ELOVL2: variants seen among roughly 807,000 people sequenced by gnomAD.
ELOVL2 encodes very long chain fatty acid elongase 2.
In ELOVL2, 38 loss-of-function variants were observed where a neutral mutation model predicts 37.7. The ratio of observed to expected loss-of-function variants is 1.01; its 90% CI spans 0.78 to 1.32. The LOEUF (loss-of-function observed/expected upper bound fraction) is 1.32. ELOVL2 is among the 40% of genes most tolerant of loss of function. The pLI, the probability that ELOVL2 is intolerant of heterozygous loss-of-function variation, is 0.00. For missense variants in ELOVL2, 352 were observed against 363.6 expected, an observed-to-expected ratio of 0.97 and a Z score of 0.26; for synonymous variants, 115 against 122.3, an observed-to-expected ratio of 0.94 and a Z score of 0.40.
chr6:11,019,443 C>G (rs1782732373), intron 1 of ELOVL2, among the ~76,000 whole-genome samples: 2 of 152,184 alleles, frequency 1.3e-5, no homozygotes, highest in South Asian at 4.1e-4. Context: ...TTAAAGAATG[C>G]TTTCCTGTAA....
rs377420904 is a variant in ELOVL2 at position 10,996,598 on chromosome 6, A to T, written c.334-1420T>A. Among the ~76,000 whole-genome samples, 13 of 151,932 alleles carry T rather than the reference A, an allele frequency of 8.6e-5. No homozygotes were observed. In the South Asian group the frequency reaches 1.2e-3, roughly 15 times the overall value. The stretch of plus-strand genomic sequence containing the variant: ...GGCAGGAGAATGGTGTGAACCCAGG[A>T]GGCGGAGCTTGCAGTGAACCGAGAT... On this transcript the variant is annotated intron_variant, in intron 4 of 7. Transcript: ENST00000354666.
rs1366542579 is a variant in ELOVL2 at position 11,044,291 on chromosome 6, C to A, written c.-61G>T. Reference sequence around the variant, plus strand: ...GCGGCGATGCGCTGTCCAGGGTAGCCGGGTCCCTCTGCCCGGCGCTATCTC... The same window carrying A: ...GCGGCGATGCGCTGTCCAGGGTAGCAGGGTCCCTCTGCCCGGCGCTATCTC... On this transcript the variant is annotated 5_prime_UTR_variant, in exon 1 of 8. Coordinates refer to ENST00000354666, the MANE Select transcript of ELOVL2 (RefSeq NM_017770.4). The surrounding 1 kb of genome is among the most constrained non-coding windows in gnomAD (Gnocchi z 5.6). 2.1e-5 allele frequency: 26 copies of A among 1,248,180 alleles called. No homozygotes were observed. Among genetic ancestry groups the A allele is most frequent in the Non-Finnish European group, 2.6e-5 (26 of 995,008 alleles). The allele number at this position is 1,248,180 out of a possible 1,614,324, so 77.3% of individuals were successfully genotyped here.
rs1783080963 is a variant in ELOVL2, at chr6:11,040,391, C to T, written c.3+3837G>A. Reference sequence around the variant, plus strand: ...ACTGAGCCGCTGAAATACGGCTAGCCTGAACTGAGATGCACTCTAAGCATA... The same window carrying T: ...ACTGAGCCGCTGAAATACGGCTAGCTTGAACTGAGATGCACTCTAAGCATA... On this transcript the variant is annotated intron_variant, in intron 1 of 7. Coordinates refer to ENST00000354666, the MANE Select transcript of ELOVL2 (RefSeq NM_017770.4). Among the ~76,000 whole-genome samples the T allele has an allele frequency of 2.0e-5, 3 of 152,074 alleles. No individual in the cohort carries two copies. In the South Asian group the frequency reaches 6.2e-4, roughly 32 times the overall value.
chr6:10,995,237 C>A, intron 4 of ELOVL2, 59 bp from the exon 5 acceptor site: 1 of 1,329,020 alleles, frequency 7.5e-7, no homozygotes, highest in Non-Finnish European at 1.0e-6. Flanking sequence ...CTGGTGCTGC[C>A]CCACTGCTCG....
intron 1 of ELOVL2, among the ~76,000 whole-genome samples, chr6:11,023,778 T>C (rs781105080): frequency 6.6e-6 from 1 of 152,152 alleles, no homozygotes; most frequent in Non-Finnish European, 1.5e-5. Context: ...AGGAAAATCA[T>C]ACCTCTCCCT....
intron 5 of ELOVL2, among the ~76,000 whole-genome samples, chr6:10,992,381 G>T (rs900487584): frequency 6.6e-6 from 1 of 152,072 alleles, no homozygotes. Flanking sequence ...GAACAAGACA[G>T]TATCAAATAG....
chr6:11,012,941 A>G (rs1782609481), intron 1 of ELOVL2, among the ~76,000 whole-genome samples: 1 of 152,258 alleles, frequency 6.6e-6, no homozygotes, highest in Admixed American at 6.5e-5. Context: ...GAGATGTGCT[A>G]TAAAGGATAG....
Position 10,983,872 on chromosome 6 carries a change from T to A in ELOVL2, c.800A>T (p.Gln267Leu). The A allele has an allele frequency of 1.9e-6, 3 of 1,613,854 alleles. No individual in the cohort carries two copies. The highest frequency in any genetic ancestry group is 1.1e-5 in the South Asian group (1 of 91,004). Reference sequence around the variant, plus strand: ...CACTTCTTTCCCTGCAGGTGGCTCTTGCATATCTTTCTTCATTGGCTTTTT... The same window carrying A: ...CACTTCTTTCCCTGCAGGTGGCTCTAGCATATCTTTCTTCATTGGCTTTTT... ...YRKKPMKKDM[Q>L]EPPAGKEVKN... Residue 267 changes from glutamine (Q) to leucine (L), a missense_variant, in exon 8 of 8, where the codon CAA becomes CTA. Physicochemically the swap from Gln to Leu is moderately radical, Grantham distance 113 (BLOSUM62 -2). Coordinates refer to ENST00000354666, the MANE Select transcript of ELOVL2 (RefSeq NM_017770.4).
chr6:11,026,884 CA>C (rs1351089396), intron 1 of ELOVL2, among the ~76,000 whole-genome samples: 3 of 152,078 alleles, frequency 2.0e-5, no homozygotes, highest in Non-Finnish European at 4.4e-5. Flanking sequence ...ATTTAATTGA[CA>C]AAAATTGTAT....
At chr6:11,012,651 T>G (rs552589699) in intron 1 of ELOVL2, among the ~76,000 whole-genome samples, 21 of 152,344 alleles carry the variant, frequency 1.4e-4, no homozygotes, top group African/African-American at 4.8e-4. Flanking sequence ...TGCAAAAATT[T>G]AGTCACAGTG....
At chr6:11,007,211 T>G (rs986358475) in intron 2 of ELOVL2, among the ~76,000 whole-genome samples, 4 of 152,220 alleles carry the variant, frequency 2.6e-5, no homozygotes, top group African/African-American at 9.6e-5. Context: ...GTTATGGTGT[T>G]AGACTGAATT....
intron 4 of ELOVL2, among the ~76,000 whole-genome samples, chr6:10,996,033 A>G (rs562239694): frequency 1.3e-5 from 2 of 152,198 alleles, no homozygotes; most frequent in Non-Finnish European, 2.9e-5. Flanking sequence ...GGTCATGATA[A>G]CACATCCTTT....
intron 7 of ELOVL2, 58 bp from the exon 8 acceptor site, chr6:10,983,964 T>A: frequency 6.9e-7 from 1 of 1,459,644 alleles, no homozygotes; most frequent in Non-Finnish European, 9.4e-7. Context: ...TAAGACCTTG[T>A]CTTTAACAGT....
intron 1 of ELOVL2, among the ~76,000 whole-genome samples, chr6:11,041,482 G>A (rs1055730042): frequency 6.6e-6 from 1 of 152,140 alleles, no homozygotes; most frequent in Non-Finnish European, 1.5e-5. Context: ...TACGTTCGAA[G>A]AATCGAAAGA....
At chr6:11,034,252 A>C (rs1561728895) in intron 1 of ELOVL2, among the ~76,000 whole-genome samples, 1 of 152,214 alleles carries the variant, frequency 6.6e-6, no homozygotes, top group Non-Finnish European at 1.5e-5. Flanking sequence ...CCCCATTTCA[A>C]AAGCCTAATT....
intron 1 of ELOVL2, among the ~76,000 whole-genome samples, chr6:11,022,474 C>T (rs551417657): frequency 1.3e-5 from 2 of 152,272 alleles, no homozygotes; most frequent in African/African-American, 4.8e-5. Flanking sequence ...CAATCAATCC[C>T]GGGAGAACTC....
intron 4 of ELOVL2, among the ~76,000 whole-genome samples, chr6:10,999,302 T>C (rs1015140409): frequency 6.6e-5 from 10 of 152,122 alleles, no homozygotes; most frequent in Non-Finnish European, 1.2e-4. Flanking sequence ...CAAAATCAAA[T>C]ATAGCACAAG....
intron 7 of ELOVL2, among the ~76,000 whole-genome samples, chr6:10,985,161 T>C (rs1782024405): frequency 6.6e-6 from 1 of 152,190 alleles, no homozygotes; most frequent in Non-Finnish European, 1.5e-5. Flanking sequence ...CATAAATGTC[T>C]TCTTTTGAGA....
chr6:11,015,315 A>C (rs1782663013), intron 1 of ELOVL2, among the ~76,000 whole-genome samples: 1 of 152,186 alleles, frequency 6.6e-6, no homozygotes, highest in South Asian at 2.1e-4. Flanking sequence ...TATGCTAAAG[A>C]TGCTCTTCAT....
Sources: allele counts gnomAD v4.1 joint callset (sites outside exome capture counted in the v4.1 genomes callset), GRCh38; gene constraint gnomAD v4.1.1; non-coding constraint Gnocchi (gnomAD v3.1); transcripts MANE v1.5; gene names NCBI Gene and HGNC (gene_info 2026-07-23, HGNC 2026-07-21).